The following GAB2 variants were observed in gnomAD, a reference collection of about 807,000 sequenced individuals.
GAB2 encodes the protein GRB2-associated-binding protein 2.
A neutral mutation model predicts 65.5 loss-of-function variants in GAB2; 26 were observed. The ratio of observed to expected loss-of-function variants is 0.40; its 90% CI spans 0.29 to 0.55. The LOEUF (loss-of-function observed/expected upper bound fraction) is 0.55, where lower values mean the gene tolerates loss of function less well. Among genes scored for constraint, GAB2 ranks in the 20% least tolerant of loss-of-function variants. The pLI, the probability that GAB2 is intolerant of heterozygous loss-of-function variation, is 0.53. For missense variants in GAB2, 884 were observed against 875.8 expected, an observed-to-expected ratio of 1.01 and a Z score of -0.12; for synonymous variants, 321 against 329.6, an observed-to-expected ratio of 0.97 and a Z score of 0.28.
chr11:78,366,556 A>G (rs187246226), intron 1 of GAB2, among the ~76,000 whole-genome samples: 1 of 113,022 alleles, frequency 8.8e-6, no homozygotes, highest in Non-Finnish European at 1.7e-5. Context: ...ACTGTATTCC[A>G]GGCTGGGCGA....
At chr11:78,279,825 A>G (rs1255868657) in intron 2 of GAB2, among the ~76,000 whole-genome samples, 1 of 152,104 alleles carries the variant, frequency 6.6e-6, no homozygotes, top group Non-Finnish European at 1.5e-5. Flanking sequence ...GGTTGTTTCC[A>G]CTTTTTGGCT....
chr11:78,244,725 A>AAACCAC (rs1407083980), intron 3 of GAB2, among the ~76,000 whole-genome samples: 2 of 152,046 alleles, frequency 1.3e-5, no homozygotes, highest in Non-Finnish European at 2.9e-5. Flanking sequence ...ATGCAAATCA[A>AAACCAC]AACCACAATG....
In GAB2 at chr11:78,395,889, T is replaced by C. The variant is rs140201168; in HGVS notation, c.75+21757A>G. On this transcript the variant is annotated intron_variant, in intron 1 of 9. Transcript: ENST00000361507. ...AGAGCTCATGCTTTTTATGATTACA[T>C]GAGGATTTTTCAAAATAGCATCCAA... Among the ~76,000 whole-genome samples the C allele has an allele frequency of 2.1e-3, 321 of 152,306 alleles. 2 individuals carry two copies. The highest frequency in any genetic ancestry group is 7.5e-3 in the African/African-American group (313 of 41,566).
At chr11:78,246,013 T>C (rs1415482255) in intron 3 of GAB2, among the ~76,000 whole-genome samples, 2 of 151,140 alleles carry the variant, frequency 1.3e-5, no homozygotes, top group African/African-American at 4.9e-5. Context: ...TGGCGCAACC[T>C]CCGCCTCCAG....
At chr11:78,275,760 A>G (rs1866150439) in intron 2 of GAB2, among the ~76,000 whole-genome samples, 1 of 152,212 alleles carries the variant, frequency 6.6e-6, no homozygotes, top group Non-Finnish European at 1.5e-5. Flanking sequence ...CTGTGTGTGT[A>G]TATATACACT....
intron 1 of GAB2, among the ~76,000 whole-genome samples, chr11:78,293,077 T>G (rs995634975): frequency 6.6e-6 from 1 of 152,202 alleles, no homozygotes; most frequent in African/African-American, 2.4e-5. Context: ...TTATAGTTAA[T>G]TGGTGATGGC....
At chr11:78,385,632 C>T (rs1410195500) in intron 1 of GAB2, among the ~76,000 whole-genome samples, 4 of 152,212 alleles carry the variant, frequency 2.6e-5, no homozygotes, top group African/African-American at 9.6e-5. Flanking sequence ...AGGTGAGCAG[C>T]CTTATACTTG....
intron 1 of GAB2, among the ~76,000 whole-genome samples, chr11:78,381,850 C>T (rs1370524028): frequency 2.6e-5 from 4 of 152,170 alleles, no homozygotes; most frequent in Non-Finnish European, 5.9e-5. Context: ...GTGGCTGTAT[C>T]ACATATGTGA....
intron 3 of GAB2, among the ~76,000 whole-genome samples, chr11:78,243,591 A>G (rs191567958): frequency 2.9e-4 from 44 of 152,354 alleles, no homozygotes; most frequent in Admixed American, 2.2e-3. Flanking sequence ...CTGTAATCCC[A>G]GCACTTTGGG....
rs570710046 is a variant in GAB2 at position 78,264,589 on chromosome 11, T to C, written c.377-14189A>G. Among the ~76,000 whole-genome samples the C allele has an allele frequency of 1.2e-3, 178 of 150,834 alleles. 1 individual carries two copies. The highest frequency in any genetic ancestry group is 4.1e-3 in the African/African-American group (168 of 41,224). Reference sequence around the variant, plus strand: ...CTAATTTTTGTATTTTTTTTTTTAGTAGTGTCGGGGTTTCGCCATGTTGGC... The same window carrying C: ...CTAATTTTTGTATTTTTTTTTTTAGCAGTGTCGGGGTTTCGCCATGTTGGC... On this transcript the variant is annotated intron_variant, in intron 2 of 9. Coordinates refer to ENST00000361507, the MANE Select transcript of GAB2 (RefSeq NM_080491.3).
intron 1 of GAB2, among the ~76,000 whole-genome samples, chr11:78,325,730 A>T (rs920007147): frequency 1.3e-5 from 2 of 152,214 alleles, no homozygotes; most frequent in African/African-American, 4.8e-5. Context: ...ACTTAGCAAC[A>T]TCCTGACAAC....
chr11:78,415,891 T>G (rs2135104904), intron 1 of GAB2, among the ~76,000 whole-genome samples: 1 of 152,224 alleles, frequency 6.6e-6, no homozygotes, highest in East Asian at 1.9e-4. Context: ...AAAAACAACT[T>G]TCAAGGTTCT....
chr11:78,411,856 C>A (rs1857133685), intron 1 of GAB2, among the ~76,000 whole-genome samples: 1 of 151,966 alleles, frequency 6.6e-6, no homozygotes, highest in Non-Finnish European at 1.5e-5. Context: ...ATGGTGAAAC[C>A]CTGTCTCTAC....
intron 1 of GAB2, among the ~76,000 whole-genome samples, chr11:78,401,061 C>T (rs1056190882): frequency 6.6e-6 from 1 of 151,732 alleles, no homozygotes; most frequent in Non-Finnish European, 1.5e-5. Context: ...TGTCTTTTCT[C>T]TTGGGTTAGA....
intron 1 of GAB2, among the ~76,000 whole-genome samples, chr11:78,332,622 A>C (rs768995706): frequency 1.3e-5 from 2 of 152,216 alleles, no homozygotes; most frequent in Non-Finnish European, 2.9e-5. Context: ...CTTAAGTAAG[A>C]GTCTAATGGG....
At chr11:78,361,058 ATACT>A (rs1856428748) in intron 1 of GAB2, among the ~76,000 whole-genome samples, 3 of 152,236 alleles carry the variant, frequency 2.0e-5, no homozygotes, top group Admixed American at 2.0e-4. Context: ...ATGGAATTTA[ATACT>A]TAGTGAGTTC....
At chr11:78,220,904 A>G (rs1292350212) in intron 8 of GAB2, among the ~76,000 whole-genome samples, 1 of 152,162 alleles carries the variant, frequency 6.6e-6, no homozygotes, top group African/African-American at 2.4e-5. Flanking sequence ...CTTCTGTCGC[A>G]CCAAATCAGC....
intron 1 of GAB2, among the ~76,000 whole-genome samples, chr11:78,300,304 C>T (rs1354854478): frequency 6.6e-6 from 1 of 151,734 alleles, no homozygotes; most frequent in Non-Finnish European, 1.5e-5. Context: ...TAAAAAATTG[C>T]TGAGTAGTGT....
At chr11:78,354,043 T>A (rs185234014) in intron 1 of GAB2, among the ~76,000 whole-genome samples, 2 of 152,342 alleles carry the variant, frequency 1.3e-5, no homozygotes, top group South Asian at 2.1e-4. Flanking sequence ...ATGTTGGTGC[T>A]GTTGGTCCAG....
Sources: gnomAD v4.1 joint callset for allele counts (sites outside exome capture counted in the v4.1 genomes callset) on GRCh38, gnomAD v4.1.1 for gene constraint, MANE v1.5 for transcripts, NCBI Gene and HGNC (gene_info 2026-07-23, HGNC 2026-07-21) for gene names.